The following INPP4B variants were observed in gnomAD, a reference collection of about 807,000 sequenced individuals.
INPP4B encodes the protein inositol polyphosphate-4-phosphatase type II B.
Under a neutral mutation model 122.5 loss-of-function variants are expected in INPP4B, and 55 were observed. The observed-to-expected ratio is 0.45, with a 90% CI of 0.36 to 0.56. The LOEUF (loss-of-function observed/expected upper bound fraction) is 0.56, where lower values mean the gene tolerates loss of function less well. Ranked by LOEUF, INPP4B falls within the 20% of genes least tolerant of loss-of-function variation. The pLI is 0.00. For missense variants in INPP4B, 1,000 were observed against 1,097.7 expected (o/e 0.91, Z 1.26); for synonymous variants, 403 against 388.7 (o/e 1.04, Z -0.43).
At chr4:142,555,319 G>A (rs1728907843) in intron 2 of INPP4B, among the ~76,000 whole-genome samples, 1 of 152,188 alleles carries the variant, frequency 6.6e-6, no homozygotes, top group African/African-American at 2.4e-5. Flanking sequence ...ACCATATTTA[G>A]AAAGCTAGTT....
At chr4:142,623,793 C>T (rs566454739) in intron 2 of INPP4B, among the ~76,000 whole-genome samples, 17 of 150,640 alleles carry the variant, frequency 1.1e-4, no homozygotes, top group African/African-American at 3.9e-4. Context: ...TGTTCAATTC[C>T]CACCTATGAG....
chr4:142,673,089 T>C (rs1757230420), intron 2 of INPP4B, among the ~76,000 whole-genome samples: 1 of 152,166 alleles, frequency 6.6e-6, no homozygotes, highest in South Asian at 2.1e-4. Flanking sequence ...TCTAGCCACT[T>C]ATATACCTGT....
chr4:142,029,747 T>C (rs1738634387), intron 25 of INPP4B: 1 of 995,418 alleles, frequency 1.0e-6, no homozygotes, highest in South Asian at 4.5e-5. Flanking sequence ...CTCCCACATC[T>C]CTAGAACTTG....
intron 2 of INPP4B, among the ~76,000 whole-genome samples, chr4:142,467,160 G>A (rs1434499843): frequency 2.6e-5 from 4 of 152,240 alleles, no homozygotes; most frequent in African/African-American, 9.6e-5. Flanking sequence ...CTGCCTAGTA[G>A]AGCTGTGGAA....
At chr4:142,569,078 AT>A (rs1732252192) in intron 2 of INPP4B, among the ~76,000 whole-genome samples, 1 of 152,138 alleles carries the variant, frequency 6.6e-6, no homozygotes, top group Non-Finnish European at 1.5e-5. Flanking sequence ...GCCTGTATGA[AT>A]AATAATGGGA....
At chr4:142,474,691 G>A (rs918140473) in intron 2 of INPP4B, among the ~76,000 whole-genome samples, 1 of 152,144 alleles carries the variant, frequency 6.6e-6, no homozygotes, top group Non-Finnish European at 1.5e-5. Flanking sequence ...ACGCCTACTA[G>A]AGCTTCCAGC....
At chr4:142,631,546 T>A (rs1045357438) in intron 2 of INPP4B, among the ~76,000 whole-genome samples, 1 of 152,006 alleles carries the variant, frequency 6.6e-6, no homozygotes, top group Admixed American at 6.6e-5. Context: ...ACTAAAAACG[T>A]TCCAAAATTT....
intron 6 of INPP4B, 40 bp downstream of exon 6, chr4:142,405,158 CAAGAGAGA>C: frequency 1.2e-6 from 1 of 819,668 alleles, no homozygotes. Context: ...AGCGAGCCAG[CAAGAGAGA>C]GAGAGAGAGA....
intron 2 of INPP4B, among the ~76,000 whole-genome samples, chr4:142,488,772 T>G (rs1164745978): frequency 6.6e-6 from 1 of 152,158 alleles, no homozygotes; most frequent in Non-Finnish European, 1.5e-5. Flanking sequence ...CTTTTCTTTC[T>G]TAATCTGCCT....
intron 12 of INPP4B, 93 bp from the exon 13 acceptor site, chr4:142,209,119 T>C (rs972685174): frequency 2.7e-5 from 23 of 847,912 alleles, no homozygotes; most frequent in Non-Finnish European, 3.7e-5. Context: ...AATAAGAAAT[T>C]ATTTCATCCT....
At position 142,278,660 on chromosome 4, in the gene INPP4B, G is replaced by C. The variant is rs1004692089; in HGVS notation, c.504-7886C>G. 2.0e-5 allele frequency among the ~76,000 whole-genome samples: 3 copies of C among 151,958 alleles called. No individual in the cohort carries two copies. The East Asian group carries it at 5.8e-4, about 30-fold the overall frequency. On this transcript the variant is annotated intron_variant, in intron 9 of 25. Transcript: ENST00000262992. ...CCAGGAAGAAAGTGGAGTTGTACAG[G>C]AGAGTAGGTAAATAAACCCAAGCTT...
intron 2 of INPP4B, among the ~76,000 whole-genome samples, chr4:142,502,641 C>T (rs998016529): frequency 1.3e-5 from 2 of 151,714 alleles, no homozygotes; most frequent in South Asian, 2.1e-4. Flanking sequence ...GGTGGGCGCC[C>T]GGCTAATTTT....
rs895151157 is a variant in INPP4B at position 142,368,072 on chromosome 4, C to T, written c.372+34866G>A. On this transcript the variant is annotated intron_variant, in intron 7 of 25. Transcript: ENST00000262992. Reference sequence around the variant, plus strand: ...TACTAAGCCATGCTGCCTTTGCAACCGTGTAAGCTCTCCAAGATCAAATAA... The same window carrying T: ...TACTAAGCCATGCTGCCTTTGCAACTGTGTAAGCTCTCCAAGATCAAATAA... 3.9e-5 allele frequency among the ~76,000 whole-genome samples: 6 copies of T among 152,192 alleles called. No homozygotes were observed. In the East Asian group the frequency reaches 9.7e-4, roughly 24 times the overall value.
At chr4:142,838,580 T>C (rs1783108574) in intron 1 of INPP4B, among the ~76,000 whole-genome samples, 1 of 152,182 alleles carries the variant, frequency 6.6e-6, no homozygotes, top group African/African-American at 2.4e-5. Flanking sequence ...CAAAAAAGTA[T>C]GTATCTAATA....
At chr4:142,106,071 A>T (rs1463115920) in intron 23 of INPP4B, among the ~76,000 whole-genome samples, 1 of 152,198 alleles carries the variant, frequency 6.6e-6, no homozygotes, top group Admixed American at 6.6e-5. Context: ...GCCATACTAC[A>T]ACTCCATTCT....
At chr4:142,358,284 C>T (rs1373034509) in intron 7 of INPP4B, among the ~76,000 whole-genome samples, 1 of 151,856 alleles carries the variant, frequency 6.6e-6, no homozygotes. Context: ...TAGAGGTATG[C>T]ATTCCATTTT....
At chr4:142,846,515 A>G (rs1784216893), upstream of INPP4B, among the ~76,000 whole-genome samples, 1 of 152,104 alleles carries the variant, frequency 6.6e-6, no homozygotes, top group Non-Finnish European at 1.5e-5. The surrounding 1 kb of genome is among the most constrained non-coding windows in gnomAD (Gnocchi z 5.1). Context: ...AGTTGTCACC[A>G]GCGCGGCTGG....
chr4:142,093,331 T>C (rs1317544915), intron 23 of INPP4B, among the ~76,000 whole-genome samples: 3 of 152,056 alleles, frequency 2.0e-5, no homozygotes, highest in Non-Finnish European at 4.4e-5. Flanking sequence ...AGAGAAACCA[T>C]CCCCAGTTTC....
intron 1 of INPP4B, among the ~76,000 whole-genome samples, chr4:142,807,054 C>G (rs1580965550): frequency 6.6e-6 from 1 of 152,228 alleles, no homozygotes. Flanking sequence ...GTTCCTTTTG[C>G]TTTGCTATAA....
Sources: gnomAD v4.1 joint callset for allele counts (sites outside exome capture counted in the v4.1 genomes callset) on GRCh38, gnomAD v4.1.1 for gene constraint, Gnocchi (gnomAD v3.1) non-coding constraint, MANE v1.5 for transcripts, NCBI Gene and HGNC (gene_info 2026-07-23, HGNC 2026-07-21) for gene names.